Variants in LGSN observed in about 807,000 individuals in gnomAD.
LGSN encodes lengsin, lens protein with glutamine synthetase domain.
A neutral mutation model predicts 19.5 loss-of-function variants in LGSN; 21 were observed. The ratio of observed to expected loss-of-function variants is 1.07; its 90% CI spans 0.76 to 1.55. The LOEUF is 1.55. LGSN is among the 40% of genes most tolerant of loss of function. LGSN has a pLI of 0.00. For missense variants in LGSN, 673 were observed against 608.5 expected, an observed-to-expected ratio of 1.11 and a Z score of -1.12; for synonymous variants, 257 against 215.6, an observed-to-expected ratio of 1.19 and a Z score of -1.68.
chr6:63,480,940 GATATATAT>G, the LGSN span, among the ~76,000 whole-genome samples: 341 of 59,876 alleles, frequency 5.7e-3, 6 homozygotes, highest in Admixed American at 8.3e-3. Context: ...TAAAGAAAAT[GATATATAT>G]ATATATATAT....
chr6:63,534,735 G>T, the LGSN span, among the ~76,000 whole-genome samples: 1 of 126,794 alleles, frequency 7.9e-6, no homozygotes, highest in Non-Finnish European at 1.7e-5. Flanking sequence ...ATCACCTGAG[G>T]TCAGGAGTTC....
At chr6:63,554,064 T>C in the LGSN span, among the ~76,000 whole-genome samples, 4 of 152,174 alleles carry the variant, frequency 2.6e-5, no homozygotes, top group Non-Finnish European at 2.9e-5. Flanking sequence ...AGTAATTCAG[T>C]GCTGTAATTT....
chr6:63,444,368 G>A, the LGSN span, among the ~76,000 whole-genome samples: 3 of 152,208 alleles, frequency 2.0e-5, no homozygotes, highest in Non-Finnish European at 1.5e-5. Flanking sequence ...GATGTAGACA[G>A]TGAAAATCTT....
At chr6:63,424,717 A>G in the LGSN span, among the ~76,000 whole-genome samples, 112 of 152,222 alleles carry the variant, frequency 7.4e-4, no homozygotes, top group East Asian at 9.3e-3. Flanking sequence ...GTTGAAGACC[A>G]CCCTAGGCAA....
rs145525285 is a variant in LGSN at position 63,317,970 on chromosome 6, T to A, written c.30+1944A>T. Among the ~76,000 whole-genome samples the A allele has an allele frequency of 7.5e-4, 114 of 152,256 alleles. 2 individuals are homozygous for A. Among genetic ancestry groups the A allele is most frequent in the East Asian group, 7.0e-3 (36 of 5,174 alleles). ...AGGTTCTTGATAAACAGATTTTAAT[T>A]GTTATGATATGCCACTCTTTCACTC... On this transcript the variant is annotated intron_variant, in intron 1 of 3. Transcript: ENST00000370657.
At chr6:63,498,310 C>G in the LGSN span, among the ~76,000 whole-genome samples, 1 of 151,912 alleles carries the variant, frequency 6.6e-6, no homozygotes, top group Non-Finnish European at 1.5e-5. Flanking sequence ...TCAAACAGGT[C>G]GAAGCCTGAT....
At chr6:63,468,745 G>A in the LGSN span, among the ~76,000 whole-genome samples, 874 of 151,636 alleles carry the variant, frequency 5.8e-3, 5 homozygotes, top group South Asian at 0.025. Flanking sequence ...TAGTTAGTTA[G>A]TTAGTTTTTG....
chr6:63,335,999 A>G, the LGSN span, among the ~76,000 whole-genome samples: 2 of 151,364 alleles, frequency 1.3e-5, no homozygotes, highest in South Asian at 4.1e-4. Flanking sequence ...AATATTGAAT[A>G]TTCTCACTCA....
chr6:63,360,605 C>T, the LGSN span, among the ~76,000 whole-genome samples: 3 of 152,266 alleles, frequency 2.0e-5, no homozygotes, highest in African/African-American at 7.2e-5. Flanking sequence ...TTCGAACTTC[C>T]TCCTTTAGCT....
At chr6:63,410,309 A>G in the LGSN span, among the ~76,000 whole-genome samples, 724 of 152,254 alleles carry the variant, frequency 4.8e-3, 4 homozygotes, top group South Asian at 0.01. Context: ...ATATTAGTCA[A>G]AATGTTTTGA....
chr6:63,365,020 A>G, the LGSN span, among the ~76,000 whole-genome samples: 739 of 152,262 alleles, frequency 4.9e-3, 40 homozygotes, highest in East Asian at 0.13. Context: ...ATCACAATTA[A>G]AAGAACTAGA....
upstream of LGSN, among the ~76,000 whole-genome samples, chr6:63,322,142 T>C (rs1300777771): frequency 6.6e-6 from 1 of 152,194 alleles, no homozygotes; most frequent in Non-Finnish European, 1.5e-5. Context: ...TTGAACAGGA[T>C]TGGAAGAGCA....
At chr6:63,462,079 AG>A in the LGSN span, among the ~76,000 whole-genome samples, 1 of 152,146 alleles carries the variant, frequency 6.6e-6, no homozygotes, top group African/African-American at 2.4e-5. Flanking sequence ...TTTCTCTTCC[AG>A]GTCTTTTCCA....
At chr6:63,522,901 G>A in the LGSN span, among the ~76,000 whole-genome samples, 2 of 134,378 alleles carry the variant, frequency 1.5e-5, 1 homozygote, top group South Asian at 4.6e-4. Flanking sequence ...GTCTCACTCT[G>A]TCAACCAGGC....
the LGSN span, among the ~76,000 whole-genome samples, chr6:63,356,465 C>G: frequency 6.6e-6 from 1 of 152,138 alleles, no homozygotes; most frequent in Non-Finnish European, 1.5e-5. Flanking sequence ...TCGCTTGAAC[C>G]TGAGAGGCAG....
the LGSN span, among the ~76,000 whole-genome samples, chr6:63,367,955 G>A: frequency 1.4e-4 from 21 of 151,746 alleles, no homozygotes; most frequent in Non-Finnish European, 3.1e-4. Flanking sequence ...GTGGGGGAAG[G>A]GGGGAGGGAT....
the LGSN span, among the ~76,000 whole-genome samples, chr6:63,414,238 CA>C: frequency 4.1e-4 from 60 of 145,768 alleles, no homozygotes; most frequent in East Asian, 4.0e-3. Flanking sequence ...CCTGAGGTGC[CA>C]AAAAAAAAAT....
the LGSN span, among the ~76,000 whole-genome samples, chr6:63,454,451 C>G: frequency 6.7e-6 from 1 of 149,604 alleles, no homozygotes; most frequent in African/African-American, 2.4e-5. Context: ...CAGCTCTATA[C>G]TAGAAGTTTT....
the LGSN span, among the ~76,000 whole-genome samples, chr6:63,568,021 T>C: frequency 3.9e-5 from 6 of 152,234 alleles, no homozygotes; most frequent in Non-Finnish European, 8.8e-5. Context: ...AAGGCCTTGC[T>C]CTGAATTAGG....
Sources: allele counts gnomAD v4.1 joint callset (sites outside exome capture counted in the v4.1 genomes callset), GRCh38; gene constraint gnomAD v4.1.1; transcripts MANE v1.5; gene names NCBI Gene and HGNC (gene_info 2026-07-23, HGNC 2026-07-21).